ITPRID1: variants seen among roughly 807,000 people sequenced by gnomAD.
ITPRID1 encodes ITPR interacting domain containing 1.
A neutral mutation model predicts 95.4 loss-of-function variants in ITPRID1; 96 were observed. That is an observed-to-expected ratio of 1.01 (90% CI 0.85 to 1.19). ITPRID1 has a LOEUF of 1.19. Among genes scored for constraint, ITPRID1 ranks in the 50% most tolerant of loss-of-function variants. The probability of loss-of-function intolerance (pLI) is 0.00; values close to 1 mark genes in which losing one functional copy is unlikely to be tolerated. For missense variants in ITPRID1, 1,339 were observed against 1,252.9 expected (o/e 1.07, Z -1.04); for synonymous variants, 510 against 453.6 (o/e 1.12, Z -1.58).
chr7:31,535,188 A>G (rs931298877), intron 1 of ITPRID1, among the ~76,000 whole-genome samples: 2 of 152,138 alleles, frequency 1.3e-5, no homozygotes, highest in African/African-American at 4.8e-5. Context: ...TCTAGAGACT[A>G]TAATATTTGC....
At chr7:31,588,394 G>T (rs1583538575) in intron 10 of ITPRID1, among the ~76,000 whole-genome samples, 1 of 152,138 alleles carries the variant, frequency 6.6e-6, no homozygotes, top group African/African-American at 2.4e-5. Context: ...ACTTTGGGAG[G>T]CTGAGGTGAG....
At chr7:31,531,871 G>A (rs1050698398) in intron 1 of ITPRID1, among the ~76,000 whole-genome samples, 1 of 96,156 alleles carries the variant, frequency 1.0e-5, no homozygotes, top group African/African-American at 3.0e-5. Flanking sequence ...GGGTGTGTTA[G>A]GTTTTTGGGT....
In ITPRID1 at chr7:31,652,617, A is replaced by C. The variant is rs777294483; in HGVS notation, c.2923A>C (p.Ile975Leu). ...ESNGQTSCSK[I>L]HPGMAPRTVF... ...CAATGGGCAGACTTCATGTTCTAAA[A>C]TCCACCCAGGCATGGCCCCGAGGAC... Residue 975 changes from isoleucine (I) to leucine (L), a missense_variant, in exon 15 of 15, where the codon ATC becomes CTC. Physicochemically the swap from Ile to Leu is conservative, Grantham distance 5. Transcript: ENST00000615280. 2 of 1,613,622 alleles carry C rather than the reference A, an allele frequency of 1.2e-6. No individual in the cohort carries two copies. The highest frequency in any genetic ancestry group is 1.1e-5 in the South Asian group (1 of 91,030).
At chr7:31,524,808 C>T (rs1347286602) in intron 1 of ITPRID1, among the ~76,000 whole-genome samples, 1 of 152,144 alleles carries the variant, frequency 6.6e-6, no homozygotes, top group Non-Finnish European at 1.5e-5. Context: ...GTTTATGAGT[C>T]TATCTTCATC....
chr7:31,614,554 CTGTTG>C (rs1350593505), intron 10 of ITPRID1, among the ~76,000 whole-genome samples: 1 of 152,136 alleles, frequency 6.6e-6, no homozygotes, highest in Admixed American at 6.5e-5. Context: ...TAATTTTCTC[CTGTTG>C]TATTTAATAC....
chr7:31,614,619 A>T (rs38337), intron 10 of ITPRID1, among the ~76,000 whole-genome samples: 75,872 of 151,982 alleles, frequency 0.5, 19,768 homozygotes, highest in Non-Finnish European at 0.57. Context: ...ATGCTCAGTA[A>T]ACATTATGGA....
intron 10 of ITPRID1, among the ~76,000 whole-genome samples, chr7:31,603,005 T>A (rs1008508255): frequency 2.0e-5 from 3 of 151,466 alleles, no homozygotes; most frequent in African/African-American, 7.3e-5. Context: ...TCTTTCCTCA[T>A]CCAGATACTG....
In ITPRID1 at chr7:31,621,867, ACATG is replaced by A. The variant is rs542323999; in HGVS notation, c.1229-20306_1229-20303del. On this transcript the variant is annotated intron_variant, in intron 10 of 14. Transcript: ENST00000615280. Reference sequence around the variant, plus strand: ...GTGTTGTATTCAGGAAACCCATCTCACATGCAGAGACACATAGGCTCAAAATAAA... The same window carrying A: ...GTGTTGTATTCAGGAAACCCATCTCACAGAGACACATAGGCTCAAAATAAA... 2.7e-3 allele frequency among the ~76,000 whole-genome samples: 417 copies of A among 152,058 alleles called. 6 individuals carry two copies. Among genetic ancestry groups the A allele is most frequent in the East Asian group, 6.2e-3 (32 of 5,152 alleles).
At position 31,643,615 on chromosome 7, in the gene ITPRID1, A is replaced by G; in HGVS notation, c.2245A>G (p.Arg749Gly). 6.2e-7 allele frequency: 1 copy of G among 1,614,050 alleles called. No individual in the cohort carries two copies. The highest frequency in any genetic ancestry group is 8.5e-7 in the Non-Finnish European group (1 of 1,179,896). ...TGATCCTGTTACCGCAACAGAAACAAGACTGGGGACAAAAGCAAGACAGTT... is the reference window on the plus strand; with the variant it reads ...TGATCCTGTTACCGCAACAGAAACAGGACTGGGGACAAAAGCAAGACAGTT... ...VCDPVTATET[R>G]LGTKARQLND... The change falls in exon 12 of 15, where the codon AGA becomes GGA. Residue 749 changes from arginine (R) to glycine (G), a missense_variant. Coordinates refer to ENST00000615280, the MANE Select transcript of ITPRID1 (RefSeq NM_001257967.3).
chr7:31,540,597 T>A (rs1233855257), intron 1 of ITPRID1, among the ~76,000 whole-genome samples: 1 of 152,238 alleles, frequency 6.6e-6, no homozygotes, highest in Non-Finnish European at 1.5e-5. Context: ...ATACTTGGCT[T>A]AATTATTTGC....
At position 31,643,673 on chromosome 7, in the gene ITPRID1, G is replaced by A; in HGVS notation, c.2303G>A (p.Ser768Asn). Residue 768 changes from serine to asparagine, a missense_variant, in exon 12 of 15, where the codon AGC becomes AAC. Transcript: ENST00000615280. The part of the protein sequence containing the change: ...NDASIQTSAL[S>N]NKTLTHGPQP... Reference sequence around the variant, plus strand: ...GCTTCCATTCAGACTTCAGCTCTAAGCAACAAGACCTTGACACATGGGCCC... The same window carrying A: ...GCTTCCATTCAGACTTCAGCTCTAAACAACAAGACCTTGACACATGGGCCC... 2 of 1,614,040 alleles carry A rather than the reference G, an allele frequency of 1.2e-6. No homozygotes were observed. The highest frequency in any genetic ancestry group is 2.2e-5 in the South Asian group (2 of 91,086).
At position 31,577,166 on chromosome 7, in the gene ITPRID1, G is replaced by A. The variant is rs140844609; in HGVS notation, c.599-697G>A. Among the ~76,000 whole-genome samples, 53 of 152,268 alleles carry A rather than the reference G, an allele frequency of 3.5e-4. No individual in the cohort carries two copies. The Middle Eastern group carries it at 0.01, about 29-fold the overall frequency. Reference sequence around the variant, plus strand: ...TATATCCCCTTCCTAAGTCTTGCTCGTTTATAATCATTATTTTAACAACTG... The same window carrying A: ...TATATCCCCTTCCTAAGTCTTGCTCATTTATAATCATTATTTTAACAACTG... On this transcript the variant is annotated intron_variant, in intron 8 of 14. Coordinates refer to ENST00000615280, the MANE Select transcript of ITPRID1 (RefSeq NM_001257967.3).
chr7:31,542,248 T>G (rs1486666166), intron 1 of ITPRID1, among the ~76,000 whole-genome samples: 1 of 152,186 alleles, frequency 6.6e-6, no homozygotes, highest in Non-Finnish European at 1.5e-5. Flanking sequence ...TCTGACTGAT[T>G]CTAGCATTTC....
rs536925646 is a variant in ITPRID1 at position 31,587,673 on chromosome 7, C to T, written c.1228+4482C>T. ...TCATATGGAACCAAAAAAGAGCCCG[C>T]GTCACCAAGGCAATCCTAAGCCAAA... is the stretch of plus-strand genomic sequence containing the variant. On this transcript the variant is annotated intron_variant, in intron 10 of 14. Transcript: ENST00000615280. Among the ~76,000 whole-genome samples the T allele has an allele frequency of 1.1e-3, 167 of 151,682 alleles. 3 individuals are homozygous for T. The highest frequency in any genetic ancestry group is 7.9e-3 in the South Asian group (38 of 4,780).
chr7:31,571,601 T>C (rs990021923), intron 6 of ITPRID1, among the ~76,000 whole-genome samples: 4 of 152,194 alleles, frequency 2.6e-5, no homozygotes, highest in Non-Finnish European at 5.9e-5. Flanking sequence ...ATTTTTTCCA[T>C]AGTAAAGGAG....
intron 1 of ITPRID1, chr7:31,529,794 C>T (rs1783536997): frequency 1.3e-6 from 2 of 1,535,388 alleles, no homozygotes. Flanking sequence ...AGTTGCAAGA[C>T]CATTTCTCTG....
At chr7:31,525,330 T>G (rs945184133) in intron 1 of ITPRID1, among the ~76,000 whole-genome samples, 1 of 152,202 alleles carries the variant, frequency 6.6e-6, no homozygotes, top group Admixed American at 6.5e-5. Flanking sequence ...AATCTTGATG[T>G]TTGGGTTAAA....
intron 10 of ITPRID1, among the ~76,000 whole-genome samples, chr7:31,623,474 A>C (rs1227430269): frequency 5.3e-5 from 8 of 151,870 alleles, no homozygotes; most frequent in Non-Finnish European, 1.0e-4. Flanking sequence ...AAATGTAATC[A>C]AGCACATAAA....
At chr7:31,646,380 C>T (rs1790469163) in intron 12 of ITPRID1, among the ~76,000 whole-genome samples, 1 of 152,084 alleles carries the variant, frequency 6.6e-6, no homozygotes, top group Non-Finnish European at 1.5e-5. Flanking sequence ...AGTGGGCCTC[C>T]AGCACCTGGG....
Sources: allele counts gnomAD v4.1 joint callset (sites outside exome capture counted in the v4.1 genomes callset), GRCh38; gene constraint gnomAD v4.1.1; transcripts MANE v1.5; gene names NCBI Gene and HGNC (gene_info 2026-07-23, HGNC 2026-07-21).